PDXK: variants seen among roughly 807,000 people sequenced by gnomAD.
The protein encoded by PDXK is epididymis secretory sperm binding protein Li 1a.
PDXK carries 15 observed loss-of-function variants against 43.2 expected under a neutral mutation model. The ratio of observed to expected loss-of-function variants is 0.35; its 90% CI spans 0.23 to 0.53. The LOEUF is 0.53. Among genes scored for constraint, PDXK ranks in the 20% least tolerant of loss-of-function variants. The pLI is 0.92. For missense variants in PDXK, 343 were observed against 417.0 expected (o/e 0.82, Z 1.54); for synonymous variants, 172 against 165.4 (o/e 1.04, Z -0.31).
chr21:43,737,727 A>G lies in PDXK; in HGVS notation c.142+3604A>G. 6 of 949,382 alleles carry G rather than the reference A, an allele frequency of 6.3e-6. No homozygotes were observed. Among genetic ancestry groups the G allele is most frequent in the Non-Finnish European group, 7.4e-6 (6 of 806,098 alleles). The allele number at this position is 949,382 out of a possible 1,614,324, so 58.8% of individuals were successfully genotyped here. On this transcript the variant is annotated intron_variant, in intron 2 of 10. Coordinates refer to ENST00000291565, the MANE Select transcript of PDXK (RefSeq NM_003681.5). This position sits in a 1 kb window ranked among gnomAD's most constrained non-coding sequence, Gnocchi z 4.8. ...GCCAGGCCGGGCCAGGAGCCTGCCG[A>G]CGGACACCAGCGAGGGGCCAGGCCG...
At chr21:43,731,405 G>T (rs1341871677) in intron 1 of PDXK, among the ~76,000 whole-genome samples, 1 of 152,210 alleles carries the variant, frequency 6.6e-6, no homozygotes, top group African/African-American at 2.4e-5. Context: ...CACTCAGGGG[G>T]TTGCCCGAGG....
intron 1 of PDXK, among the ~76,000 whole-genome samples, chr21:43,724,720 A>T (rs1213820501): frequency 6.6e-6 from 1 of 151,948 alleles, no homozygotes; most frequent in East Asian, 1.9e-4. Flanking sequence ...TCACATCTGT[A>T]GTCCCACCTA....
intron 4 of PDXK, among the ~76,000 whole-genome samples, chr21:43,745,436 A>AG (rs2083622157): frequency 6.7e-6 from 1 of 148,712 alleles, no homozygotes; most frequent in Admixed American, 6.8e-5. Context: ...AAAAAAAAAA[A>AG]GAAAGCAGAC....
In PDXK at chr21:43,737,296, G is replaced by A. The variant is rs577647093; in HGVS notation, c.142+3173G>A. On this transcript the variant is annotated intron_variant, in intron 2 of 10. Coordinates refer to ENST00000291565, the MANE Select transcript of PDXK (RefSeq NM_003681.5). This position sits in a 1 kb window ranked among gnomAD's most constrained non-coding sequence, Gnocchi z 4.8. ...CACCTGGCGCAGGCCTCGCCGCCTC[G>A]AGGCTGCTGCTCGCACTTCTGCCCC... 16 of 1,397,460 alleles carry A rather than the reference G, an allele frequency of 1.1e-5. No individual in the cohort carries two copies. The highest frequency in any genetic ancestry group is 3.1e-5 in the South Asian group (2 of 64,440). 86.6% of individuals were successfully genotyped at this position (1,397,460 alleles called of 1,614,324 possible). A position where few individuals can be genotyped will look rare whatever the true frequency, so the allele number is the denominator to read the frequency against.
In PDXK at chr21:43,719,320, C is replaced by T. The variant is rs1325006727; in HGVS notation, c.26C>T (p.Ser9Phe). 4.6e-6 allele frequency: 7 copies of T among 1,513,958 alleles called. No homozygotes were observed. The highest frequency in any genetic ancestry group is 6.2e-6 in the Non-Finnish European group (7 of 1,132,474). 93.8% of individuals were successfully genotyped at this position (1,513,958 alleles called of 1,614,324 possible). The change falls in exon 1 of 11, where the codon TCC (serine) becomes TTC (phenylalanine). Residue 9 changes from serine (S) to phenylalanine (F), a missense_variant. Coordinates refer to ENST00000291565, the MANE Select transcript of PDXK (RefSeq NM_003681.5). The part of the protein sequence containing the change: MEEECRVL[S>F]IQSHVIRGYV... ...ATGGAGGAGGAGTGCCGGGTGCTCTCCATACAGAGCCACGTCATCCGCGGC... is the reference window on the plus strand; with the variant it reads ...ATGGAGGAGGAGTGCCGGGTGCTCTTCATACAGAGCCACGTCATCCGCGGC...
At chr21:43,743,138 C>G (rs1412554318) in intron 3 of PDXK, among the ~76,000 whole-genome samples, 2 of 123,538 alleles carry the variant, frequency 1.6e-5, no homozygotes, top group Admixed American at 8.6e-5. Context: ...ATGGGGACAC[C>G]TCGCCTGCAC....
In PDXK at chr21:43,719,349, G is replaced by T; in HGVS notation, c.55G>T (p.Val19Leu). 6.6e-7 allele frequency: 1 copy of T among 1,526,002 alleles called. No homozygotes were observed. Among genetic ancestry groups the T allele is most frequent in the Non-Finnish European group, 8.8e-7 (1 of 1,137,924 alleles). The allele number at this position is 1,526,002 out of a possible 1,614,324, so 94.5% of individuals were successfully genotyped here. A position where few individuals can be genotyped will look rare whatever the true frequency, so the allele number is the denominator to read the frequency against. Residue 19 changes from valine (V) to leucine (L), a missense_variant, in exon 1 of 11, where the codon GTG (valine) becomes TTG (leucine). Val to Leu is a conservative substitution (Grantham distance 32). Transcript: ENST00000291565. ...SIQSHVIRGY[V>L]GNRAATFPLQ... ...ACAGAGCCACGTCATCCGCGGCTACGTGGGCAACCGGGCGGCCACGTTCCC... is the reference window on the plus strand; with the variant it reads ...ACAGAGCCACGTCATCCGCGGCTACTTGGGCAACCGGGCGGCCACGTTCCC...
chr21:43,735,350 T>C lies in PDXK; in HGVS notation c.142+1227T>C, dbSNP rs2147237317. Among the ~76,000 whole-genome samples, 1 of 152,368 alleles carries C rather than the reference T, an allele frequency of 6.6e-6. No homozygotes were observed. ...GGACTGTGTTGGGCTCCGTCAGTGC[T>C]GGTTCAACATCCACACCGACCCGGC... On this transcript the variant is annotated intron_variant, in intron 2 of 10. Coordinates refer to ENST00000291565, the MANE Select transcript of PDXK (RefSeq NM_003681.5). The surrounding 1 kb of genome is among the most constrained non-coding windows in gnomAD (Gnocchi z 5.3).
At chr21:43,755,565 G>T in intron 9 of PDXK, 133 bp from the exon 10 acceptor site, 3 of 778,790 alleles carry the variant, frequency 3.9e-6, no homozygotes, top group South Asian at 3.0e-5. Context: ...CACGTGCATT[G>T]GCGGAGCCGG....
Position 43,719,155 on chromosome 21 carries a change from G to C in PDXK, c.-140G>C, listed in dbSNP as rs989466924. 10 of 351,318 alleles carry C rather than the reference G, an allele frequency of 2.8e-5. No homozygotes were observed. Among genetic ancestry groups the C allele is most frequent in the Admixed American group, 2.0e-4 (4 of 19,926 alleles). The allele number at this position is 351,318 out of a possible 1,614,324, so 21.8% of individuals were successfully genotyped here. On this transcript the variant is annotated 5_prime_UTR_variant, in exon 1 of 11. Transcript: ENST00000291565. The stretch of plus-strand genomic sequence containing the variant: ...TCAGAAGGAGGCGTCTGCGCTGATC[G>C]GGTCCGCCGCGCGCCAGAGCCAGAG...
rs759272762 is a variant in PDXK, at chr21:43,732,453, C to T, written c.88-1616C>T. On this transcript the variant is annotated intron_variant, in intron 1 of 10. Coordinates refer to ENST00000291565, the MANE Select transcript of PDXK (RefSeq NM_003681.5). The surrounding 1 kb of genome is among the most constrained non-coding windows in gnomAD (Gnocchi z 4.1). Reference sequence around the variant, plus strand: ...GCTGATTTTGATGGGGTGTGTGAAACGGAGATGCCAGCCCAGGGGCTCAGC... The same window carrying T: ...GCTGATTTTGATGGGGTGTGTGAAATGGAGATGCCAGCCCAGGGGCTCAGC... The T allele has an allele frequency of 8.1e-6, 13 of 1,611,556 alleles. No homozygotes were observed. The highest frequency in any genetic ancestry group is 2.7e-5 in the African/African-American group (2 of 74,862).
intron 9 of PDXK, 99 bp from the exon 10 acceptor site, chr21:43,755,599 G>C: frequency 9.8e-7 from 1 of 1,019,804 alleles, no homozygotes; most frequent in East Asian, 2.4e-5. Flanking sequence ...CGGAGAGCAG[G>C]ACGGCCCTTG....
At position 43,753,665 on chromosome 21, in the gene PDXK, C is replaced by T. The variant is rs370764393; in HGVS notation, c.705C>T (p.Asp235=). 1 of 1,613,674 alleles carries T rather than the reference C, an allele frequency of 6.2e-7. No homozygotes were observed. The highest frequency in any genetic ancestry group is 1.3e-5 in the African/African-American group (1 of 75,010). ...KVDAVFVGTG[D]LFAAMLLAWT... ...ACGCCGTCTTTGTGGGCACTGGGGA[C>T]CTGTTTGCTGCCATGCTCCTGGCGT... The change falls in exon 9 of 11, where the codon GAC becomes GAT. Residue 235 remains aspartate, a synonymous_variant. Transcript: ENST00000291565.
chr21:43,731,993 GAT>G, intron 1 of PDXK: 1 of 274,044 alleles, frequency 3.6e-6, no homozygotes, highest in Non-Finnish European at 6.2e-6. Flanking sequence ...GGGGGCATGC[GAT>G]GAGGAATTCT....
At position 43,749,087 on chromosome 21, in the gene PDXK, CATTTT is replaced by C; in HGVS notation, c.464+19_464+23del. ...CCAACCAGTTTGAGGCCGAGTAAGT[CATTTT>C]ATTTTATTTTACTTTATTTATTTAT... On this transcript the variant is annotated splice_region_variant and intron_variant, in intron 6 of 10. Transcript: ENST00000291565. 1.3e-6 allele frequency: 2 copies of C among 1,558,004 alleles called. No homozygotes were observed.
In PDXK at chr21:43,741,652, T is replaced by C; in HGVS notation, c.143-15T>C. The C allele has an allele frequency of 9.3e-6, 15 of 1,608,592 alleles. No homozygotes were observed. Among genetic ancestry groups the C allele is most frequent in the Non-Finnish European group, 1.3e-5 (15 of 1,176,114 alleles). On this transcript the variant is annotated splice_polypyrimidine_tract_variant and intron_variant, in intron 2 of 10. Transcript: ENST00000291565. ...CCCCTTGTGTCTGAGCCCCCATGGC[T>C]TCCTCTGCCTCTAGGCTATGCCCAC...
chr21:43,758,415 G>A lies in PDXK; in HGVS notation c.*2352G>A, dbSNP rs2083886686. The A allele has an allele frequency of 6.5e-6, 1 of 153,414 alleles. No homozygotes were observed. The highest frequency in any genetic ancestry group is 1.5e-5 in the Non-Finnish European group (1 of 68,088). 9.5% of individuals were successfully genotyped at this position (153,414 alleles called of 1,614,324 possible). ...TTCTGAGAGCAGATGGTGCCTTTGT[G>A]GGTGCAGGGCTTTTGTGGAAATTGT... On this transcript the variant is annotated 3_prime_UTR_variant, in exon 11 of 11. Coordinates refer to ENST00000291565, the MANE Select transcript of PDXK (RefSeq NM_003681.5).
At chr21:43,750,783 G>GGTGT (rs66931044) in intron 7 of PDXK, among the ~76,000 whole-genome samples, 6 of 140,628 alleles carry the variant, frequency 4.3e-5, no homozygotes, top group African/African-American at 1.6e-4. Flanking sequence ...ATTGTGTGTG[G>GGTGT]GTGTGTGTGT....
At chr21:43,752,130 C>T (rs1000626426) in intron 7 of PDXK, among the ~76,000 whole-genome samples, 12 of 152,036 alleles carry the variant, frequency 7.9e-5, no homozygotes, top group South Asian at 6.2e-4. Context: ...TGTGTGTGCG[C>T]GCGCGTGCTG....
Sources: allele counts gnomAD v4.1 joint callset (sites outside exome capture counted in the v4.1 genomes callset), GRCh38; gene constraint gnomAD v4.1.1; non-coding constraint Gnocchi (gnomAD v3.1); transcripts MANE v1.5; gene names NCBI Gene and HGNC (gene_info 2026-07-23, HGNC 2026-07-21).